The following NTRK2 variants were observed in gnomAD, a reference collection of about 807,000 sequenced individuals.
The protein encoded by NTRK2 is BDNF/NT-3 growth factors receptor.
Under a neutral mutation model 94.5 loss-of-function variants are expected in NTRK2, and 13 were observed. The observed-to-expected ratio is 0.14, with a 90% CI of 0.09 to 0.22. The LOEUF is 0.22. Ranked by LOEUF, NTRK2 falls within the 10% of genes least tolerant of loss-of-function variation. The pLI, the probability that NTRK2 is intolerant of heterozygous loss-of-function variation, is 1.00. For synonymous variants in NTRK2, 372 were observed against 407.4 expected, an observed-to-expected ratio of 0.91 and a Z score of 1.05; for missense variants, 639 against 1,071.2, an observed-to-expected ratio of 0.60 and a Z score of 5.63.
At chr9:84,822,145 T>C (rs17328955) in intron 12 of NTRK2, among the ~76,000 whole-genome samples, 8,110 of 152,230 alleles carry the variant, frequency 0.053, 303 homozygotes, top group Non-Finnish European at 0.08. Context: ...AGAGTCTTTT[T>C]CTAGTGGTGT....
intron 17 of NTRK2, among the ~76,000 whole-genome samples, chr9:84,988,813 A>G (rs553947067): frequency 2.0e-5 from 3 of 152,364 alleles, no homozygotes; most frequent in East Asian, 3.9e-4. Context: ...GCAACTGCAC[A>G]ACAGGCAGGT....
intron 11 of NTRK2, among the ~76,000 whole-genome samples, chr9:84,747,317 T>G (rs1268717893): frequency 2.0e-5 from 3 of 152,198 alleles, no homozygotes; most frequent in Non-Finnish European, 4.4e-5. Context: ...GAATGGTATC[T>G]GCTTCCTGCC....
Position 84,948,502 on chromosome 9 carries a change from A to G in NTRK2, c.1805A>G (p.His602Arg). Residue 602 changes from histidine (H) to arginine (R), a missense_variant, in exon 16 of 19, where the codon CAC (histidine) becomes CGC (arginine). Around this residue, in one of 5 missense-constraint regions of NTRK2, gnomAD observed 343 missense variants for 571.5 expected, o/e 0.60. Transcript: ENST00000277120. ...DASDNARKDF[H>R]REAELLTNLQ... ...AGTGACAATGCACGCAAGGACTTCC[A>G]CCGTGAGGCCGAGCTCCTGACCAAC... 1 of 1,614,150 alleles carries G rather than the reference A, an allele frequency of 6.2e-7. No individual in the cohort carries two copies. The highest frequency in any genetic ancestry group is 8.5e-7 in the Non-Finnish European group (1 of 1,180,018).
intron 17 of NTRK2, among the ~76,000 whole-genome samples, chr9:84,987,477 C>T (rs1364546242): frequency 1.3e-5 from 2 of 152,044 alleles, no homozygotes; most frequent in Non-Finnish European, 2.9e-5. Context: ...AAACTTCATC[C>T]CTTACTTTTC....
At chr9:84,768,965 C>G (rs1004939261) in intron 12 of NTRK2, among the ~76,000 whole-genome samples, 5 of 152,068 alleles carry the variant, frequency 3.3e-5, no homozygotes, top group Non-Finnish European at 7.4e-5. Context: ...GGAGGACAAT[C>G]AGATATGGAA....
intron 10 of NTRK2, among the ~76,000 whole-genome samples, chr9:84,743,516 A>G (rs1005399619): frequency 6.6e-6 from 1 of 152,142 alleles, no homozygotes; most frequent in Admixed American, 6.5e-5. Context: ...TTTTTTGCAT[A>G]TGATTTGTGT....
intron 12 of NTRK2, among the ~76,000 whole-genome samples, chr9:84,856,574 T>G (rs997258633): frequency 1.3e-5 from 2 of 152,178 alleles, no homozygotes; most frequent in African/African-American, 4.8e-5. Context: ...CTGTCTACTC[T>G]GGACTCAACT....
intron 9 of NTRK2, among the ~76,000 whole-genome samples, chr9:84,731,073 C>T (rs1266050406): frequency 2.0e-5 from 3 of 151,926 alleles, no homozygotes; most frequent in African/African-American, 7.2e-5. Context: ...AGTTGCATTT[C>T]CATACAGAGC....
Position 84,955,373 on chromosome 9 carries a change from C to T in NTRK2, c.2028C>T (p.Ile676=), listed in dbSNP as rs1823989805. ...AGATGCTGCATATAGCCCAGCAGAT[C>T]GCCGCGGGCATGGTCTACCTGGCGT... ...QSQMLHIAQQ[I]AAGMVYLASQ... Residue 676 remains isoleucine, a synonymous_variant, in exon 17 of 19, where the codon ATC becomes ATT. Coordinates refer to ENST00000277120, the MANE Select transcript of NTRK2 (RefSeq NM_006180.6). 5 of 1,613,952 alleles carry T rather than the reference C, an allele frequency of 3.1e-6. No homozygotes were observed. The highest frequency in any genetic ancestry group is 1.3e-5 in the African/African-American group (1 of 75,074).
At chr9:84,693,483 T>C (rs2060181941) in intron 2 of NTRK2, among the ~76,000 whole-genome samples, 2 of 152,228 alleles carry the variant, frequency 1.3e-5, no homozygotes, top group African/African-American at 4.8e-5. Flanking sequence ...TTTTTTTCTT[T>C]ATAATATTTT....
intron 11 of NTRK2, among the ~76,000 whole-genome samples, chr9:84,745,429 G>A (rs1021903423): frequency 3.3e-5 from 5 of 152,270 alleles, no homozygotes; most frequent in Admixed American, 3.3e-4. Flanking sequence ...CTCGCTAGAT[G>A]TAGGGAATCC....
In NTRK2 at chr9:84,967,913, G is replaced by A. The variant is rs115060929; in HGVS notation, c.2172+12396G>A. Among the ~76,000 whole-genome samples the A allele has an allele frequency of 5.9e-3, 891 of 152,264 alleles. 10 individuals carry two copies. The highest frequency in any genetic ancestry group is 0.02 in the African/African-American group (837 of 41,558). On this transcript the variant is annotated intron_variant, in intron 17 of 18. Coordinates refer to ENST00000277120, the MANE Select transcript of NTRK2 (RefSeq NM_006180.6). Reference sequence around the variant, plus strand: ...TATGGCTTTTTTCTGCAGCTACCATGGGGGCTTAAGTTCTTCCCAGCTGTC... The same window carrying A: ...TATGGCTTTTTTCTGCAGCTACCATAGGGGCTTAAGTTCTTCCCAGCTGTC...
chr9:84,785,891 G>A (rs754096585), intron 12 of NTRK2, among the ~76,000 whole-genome samples: 3 of 152,180 alleles, frequency 2.0e-5, no homozygotes, highest in Non-Finnish European at 4.4e-5. Context: ...GATGAACTGA[G>A]GTTCTTTCAT....
At chr9:84,766,316 G>A (rs527396206) in intron 12 of NTRK2, among the ~76,000 whole-genome samples, 1 of 152,118 alleles carries the variant, frequency 6.6e-6, no homozygotes. Flanking sequence ...GCCTGGGGAG[G>A]AGAGCAGAGA....
chr9:84,964,021 T>C (rs973727602), intron 17 of NTRK2, among the ~76,000 whole-genome samples: 1 of 152,250 alleles, frequency 6.6e-6, no homozygotes, highest in African/African-American at 2.4e-5. Context: ...TATTTCAATG[T>C]ATTTGTAATT....
At chr9:84,890,881 A>G (rs1212879263) in intron 14 of NTRK2, among the ~76,000 whole-genome samples, 2 of 152,256 alleles carry the variant, frequency 1.3e-5, no homozygotes, top group Non-Finnish European at 2.9e-5. Flanking sequence ...ACTGGCAGAC[A>G]GAAGTCTGAG....
Position 84,899,712 on chromosome 9 carries a change from G to A in NTRK2, c.1633+32281G>A, listed in dbSNP as rs1587867608. ...GTTGTTCATATTGGGGTGATAGAGG[G>A]AAGAAGAGAGACAGGAAGAAAAAGG... On this transcript the variant is annotated intron_variant, in intron 14 of 18. Coordinates refer to ENST00000277120, the MANE Select transcript of NTRK2 (RefSeq NM_006180.6). Among the ~76,000 whole-genome samples, 3 of 152,184 alleles carry A rather than the reference G, an allele frequency of 2.0e-5. No homozygotes were observed. In the East Asian group the frequency reaches 5.8e-4, roughly 29 times the overall value.
chr9:84,870,331 GTATATA>G lies in NTRK2; in HGVS notation c.1633+2929_1633+2934del, dbSNP rs1158637577. Among the ~76,000 whole-genome samples the G allele has an allele frequency of 1.1e-3, 34 of 31,184 alleles. 2 individuals are homozygous for G. Among genetic ancestry groups the G allele is most frequent in the South Asian group, 3.0e-3 (1 of 330 alleles). 20.5% of individuals were successfully genotyped at this position (31,184 alleles called of 152,430 possible). On this transcript the variant is annotated intron_variant, in intron 14 of 18. Coordinates refer to ENST00000277120, the MANE Select transcript of NTRK2 (RefSeq NM_006180.6). Reference sequence around the variant, plus strand: ...ATACATATATGTGGGGTGTGTGTGTGTATATATATATATATATATATATATATATAT... The same window carrying G: ...ATACATATATGTGGGGTGTGTGTGTGTATATATATATATATATATATATAT...
intron 12 of NTRK2, among the ~76,000 whole-genome samples, chr9:84,840,975 C>G (rs2074150137): frequency 1.3e-5 from 2 of 152,140 alleles, no homozygotes; most frequent in African/African-American, 2.4e-5. Flanking sequence ...CTGCTGCATT[C>G]TCTCTTTTCC....
Sources: allele counts gnomAD v4.1 joint callset (sites outside exome capture counted in the v4.1 genomes callset), GRCh38; gene constraint gnomAD v4.1.1; regional missense constraint gnomAD v4.1.1; transcripts MANE v1.5; gene names NCBI Gene and HGNC (gene_info 2026-07-23, HGNC 2026-07-21).